The following ZMYM4 variants were observed in gnomAD, a reference collection of about 807,000 sequenced individuals.
ZMYM4 encodes the protein zinc finger MYM-type protein 4.
A neutral mutation model predicts 183.2 loss-of-function variants in ZMYM4; 31 were observed. The ratio of observed to expected loss-of-function variants is 0.17; its 90% CI spans 0.13 to 0.23. ZMYM4 has a LOEUF of 0.23. Ranked by LOEUF, ZMYM4 falls within the 10% of genes least tolerant of loss-of-function variation. The pLI, the probability that ZMYM4 is intolerant of heterozygous loss-of-function variation, is 1.00. For synonymous variants in ZMYM4, 592 were observed against 631.2 expected, an observed-to-expected ratio of 0.94 and a Z score of 0.93; for missense variants, 1,273 against 1,840.3, an observed-to-expected ratio of 0.69 and a Z score of 5.64.
intron 15 of ZMYM4, 79 bp from the exon 16 acceptor site, chr1:35,392,129 ATTGT>A: frequency 6.4e-7 from 1 of 1,572,308 alleles, no homozygotes; most frequent in Non-Finnish European, 8.7e-7. Context: ...ACCTGAAAAC[ATTGT>A]TTAACTTCCT....
At chr1:35,416,835 A>T (rs1640135041) in intron 28 of ZMYM4, among the ~76,000 whole-genome samples, 1 of 152,148 alleles carries the variant, frequency 6.6e-6, no homozygotes, top group South Asian at 2.1e-4. Context: ...AAGTGCTGGG[A>T]TTACAGGCGT....
intron 1 of ZMYM4, among the ~76,000 whole-genome samples, chr1:35,298,106 A>G (rs1368437276): frequency 1.3e-5 from 2 of 152,330 alleles, no homozygotes; most frequent in Non-Finnish European, 2.9e-5. Context: ...CAAGGCTGAG[A>G]TTCAGATCTT....
At chr1:35,403,219 C>A (rs1644942993) in intron 23 of ZMYM4, among the ~76,000 whole-genome samples, 2 of 152,010 alleles carry the variant, frequency 1.3e-5, no homozygotes, top group Non-Finnish European at 2.9e-5. Flanking sequence ...ATAAACCCTA[C>A]TTTTTTCTGT....
Position 35,278,434 on chromosome 1 carries a change from T to G in ZMYM4, c.39+9349T>G, listed in dbSNP as rs549404361. On this transcript the variant is annotated intron_variant, in intron 1 of 29. Transcript: ENST00000314607. ...ATTACAGCATGAACTCTGTTTTTTT[T>G]TTTTTTTTTTAGATGGAATTTCACT... is the stretch of plus-strand genomic sequence containing the variant. Among the ~76,000 whole-genome samples, 42 of 151,898 alleles carry G rather than the reference T, an allele frequency of 2.8e-4. No homozygotes were observed. In the South Asian group the frequency reaches 8.2e-3, roughly 29 times the overall value.
intron 27 of ZMYM4, 71 bp downstream of exon 27, chr1:35,414,154 T>TAAAA: frequency 1.1e-6 from 1 of 948,764 alleles, no homozygotes; most frequent in Non-Finnish European, 1.6e-6. Flanking sequence ...TGGTTATCTT[T>TAAAA]AAAAAAATTG....
chr1:35,415,303 C>G (rs1262868670), intron 27 of ZMYM4, among the ~76,000 whole-genome samples, 163 bp from the exon 28 acceptor site: 1 of 152,128 alleles, frequency 6.6e-6, no homozygotes, highest in Non-Finnish European at 1.5e-5. Flanking sequence ...AATCATCTGC[C>G]TTTTTCTTTG....
At chr1:35,343,662 C>T (rs1198148622) in intron 2 of ZMYM4, among the ~76,000 whole-genome samples, 13 of 152,034 alleles carry the variant, frequency 8.6e-5, no homozygotes, top group Middle Eastern at 3.4e-3. Flanking sequence ...GTCAGGAGTT[C>T]GAGACCAGCC....
chr1:35,321,618 C>G (rs1224933539), intron 1 of ZMYM4, among the ~76,000 whole-genome samples: 1 of 151,496 alleles, frequency 6.6e-6, no homozygotes, highest in Non-Finnish European at 1.5e-5. Context: ...TGTGTCCTTC[C>G]CCTTAACCTC....
In ZMYM4 at chr1:35,284,994, T is replaced by C. The variant is rs575981706; in HGVS notation, c.39+15909T>C. 5.9e-5 allele frequency among the ~76,000 whole-genome samples: 9 copies of C among 152,266 alleles called. No homozygotes were observed. The South Asian group carries it at 1.5e-3, about 25-fold the overall frequency. ...ACATTCAGACCATAACAACGACAAA[T>C]GCGAGAGTTTATTTCTAGACTTTCA... On this transcript the variant is annotated intron_variant, in intron 1 of 29. Transcript: ENST00000314607.
chr1:35,389,163 C>G lies in ZMYM4; in HGVS notation c.2436+81C>G. ...TTAAAATTTCATGTCACATAAAGGA[C>G]AATTTAATTATTTAAAACTTTTAAG... On this transcript the variant is annotated intron_variant, in intron 14 of 29. Coordinates refer to ENST00000314607, the MANE Select transcript of ZMYM4 (RefSeq NM_005095.3). The surrounding 1 kb of genome is among the most constrained non-coding windows in gnomAD (Gnocchi z 4.0). 1 of 1,386,206 alleles carries G rather than the reference C, an allele frequency of 7.2e-7. No homozygotes were observed. Among genetic ancestry groups the G allele is most frequent in the Non-Finnish European group, 9.8e-7 (1 of 1,024,838 alleles). 85.9% of individuals were successfully genotyped at this position (1,386,206 alleles called of 1,614,324 possible). A position where few individuals can be genotyped will look rare whatever the true frequency, so the allele number is the denominator to read the frequency against.
intron 3 of ZMYM4, among the ~76,000 whole-genome samples, chr1:35,360,634 C>G (rs958719008): frequency 6.6e-6 from 1 of 152,078 alleles, no homozygotes; most frequent in South Asian, 2.1e-4. Flanking sequence ...CAAGTCAGGC[C>G]GTAGAAGTGC....
chr1:35,382,882 C>T (rs1644496885), intron 9 of ZMYM4, among the ~76,000 whole-genome samples: 2 of 152,094 alleles, frequency 1.3e-5, no homozygotes, highest in African/African-American at 2.4e-5. Flanking sequence ...GCCTTCTAAT[C>T]TTTCCAGCAT....
chr1:35,336,683 G>T (rs949616880), intron 2 of ZMYM4, among the ~76,000 whole-genome samples: 9 of 152,092 alleles, frequency 5.9e-5, no homozygotes, highest in Non-Finnish European at 1.2e-4. Flanking sequence ...GGGATTACAG[G>T]CATGAGCCAC....
intron 1 of ZMYM4, among the ~76,000 whole-genome samples, chr1:35,323,298 G>A (rs1045562464): frequency 3.9e-5 from 6 of 152,102 alleles, no homozygotes; most frequent in African/African-American, 9.7e-5. Flanking sequence ...CACTGCACCC[G>A]GCTGGACAAC....
intron 7 of ZMYM4, among the ~76,000 whole-genome samples, chr1:35,379,965 A>G (rs1558125678): frequency 1.3e-5 from 2 of 152,208 alleles, no homozygotes; most frequent in Non-Finnish European, 1.5e-5. Context: ...AGAAAAACAG[A>G]TATTATAGTA....
intron 5 of ZMYM4, among the ~76,000 whole-genome samples, chr1:35,365,529 CATA>C (rs1284756785): frequency 6.6e-6 from 1 of 152,034 alleles, no homozygotes; most frequent in Non-Finnish European, 1.5e-5. Context: ...AACTAATTGT[CATA>C]ATAGTCATTC....
chr1:35,394,610 G>A (rs112992999), intron 18 of ZMYM4, among the ~76,000 whole-genome samples: 1 of 152,106 alleles, frequency 6.6e-6, no homozygotes, highest in African/African-American at 2.4e-5. Flanking sequence ...GAGCTGGGGG[G>A]ATAAAGCCTG....
chr1:35,378,739 G>A (rs748515858), intron 7 of ZMYM4, among the ~76,000 whole-genome samples: 1 of 152,144 alleles, frequency 6.6e-6, no homozygotes, highest in South Asian at 2.1e-4. Context: ...GTCCTAGATG[G>A]CATCGTTTTT....
At position 35,325,393 on chromosome 1, in the gene ZMYM4, A is replaced by G. The variant is rs772046854; in HGVS notation, c.73A>G (p.Ile25Val). Residue 25 changes from isoleucine to valine, a missense_variant, in exon 2 of 30, where the codon ATT becomes GTT. By Grantham distance (29) the Ile-to-Val change is conservative (BLOSUM62 3). This residue lies in a region of ZMYM4 where 384 missense variants were observed against 465.6 expected (regional missense o/e 0.82). Transcript: ENST00000314607. ...AAAAAGTGGTGCAGTTTTTGATGAA[A>G]TTGTAGAGAACTGTAAGTACCATTT... ...EQKSGAVFDEIVENCGGIMDT... is the reference protein window; with the variant it reads ...EQKSGAVFDEVVENCGGIMDT... 2 of 1,604,488 alleles carry G rather than the reference A, an allele frequency of 1.2e-6. No homozygotes were observed. The highest frequency in any genetic ancestry group is 2.7e-5 in the African/African-American group (2 of 74,732).
Sources: gnomAD v4.1 joint callset for allele counts (sites outside exome capture counted in the v4.1 genomes callset) on GRCh38, gnomAD v4.1.1 for gene constraint, gnomAD v4.1.1 regional missense constraint, Gnocchi (gnomAD v3.1) non-coding constraint, MANE v1.5 for transcripts, NCBI Gene and HGNC (gene_info 2026-07-23, HGNC 2026-07-21) for gene names.